WDR13: variants seen among roughly 807,000 people sequenced by gnomAD.
WDR13 encodes the protein WD repeat domain 13, also known as WD repeat-containing protein 13.
WDR13 carries 1 observed loss-of-function variant against 28.6 expected under a neutral mutation model. The observed-to-expected ratio is 0.03, with a 90% confidence interval of 0.01 to 0.17. The LOEUF is 0.17. WDR13 is among the 10% of genes least tolerant of loss of function. The pLI, the probability that WDR13 is intolerant of heterozygous loss-of-function variation, is 1.00. For synonymous variants in WDR13, 201 were observed against 185.9 expected (o/e 1.08, Z -0.66); for missense variants, 264 against 469.3 (o/e 0.56, Z 4.04).
chrX:48,602,436 C>T (rs1556994969), intron 8 of WDR13, among the ~76,000 whole-genome samples: 1 of 111,064 alleles, frequency 9.0e-6, no homozygotes, highest in African/African-American at 3.3e-5. Context: ...GAGGTAGGTG[C>T]TGTTATTATC....
chrX:48,602,668 G>C (rs1488323570), intron 8 of WDR13, among the ~76,000 whole-genome samples: 1 of 108,048 alleles, frequency 9.3e-6, no homozygotes, highest in African/African-American at 3.4e-5. Context: ...ACTCCTGTCT[G>C]GGCCCCTCTA....
Position 48,607,508 on chromosome X carries a change from C to T in WDR13, c.*2476C>T, listed in dbSNP as rs1302328471. The T allele has an allele frequency of 9.3e-6, 1 of 107,193 alleles. No individual in the cohort carries two copies. The highest frequency in any genetic ancestry group is 1.9e-5 in the Non-Finnish European group (1 of 52,141). 8.8% of individuals were successfully genotyped at this position (107,193 alleles called of 1,213,427 possible). On this transcript the variant is annotated 3_prime_UTR_variant, in exon 10 of 10. Coordinates refer to ENST00000376729, the MANE Select transcript of WDR13 (RefSeq NM_001347217.2). ...TCAGCTTCCCGAATAGCTGGAACTA[C>T]AGGCGCGCACCAGCAAGCTCGGCTA...
In WDR13 at chrX:48,597,962, C is replaced by G; in HGVS notation, c.-35C>G. ...TTCCAGGCCCTTGTCCTGCAGGCTG[C>G]CGCGGGCGGACACGCCAGAGGAGGA... On this transcript the variant is annotated 5_prime_UTR_variant, in exon 2 of 10. Transcript: ENST00000376729. The G allele has an allele frequency of 8.6e-7, 1 of 1,164,054 alleles. No homozygotes were observed. Among genetic ancestry groups the G allele is most frequent in the Middle Eastern group, 2.5e-4 (1 of 3,942 alleles).
intron 8 of WDR13, 32 bp downstream of exon 8, chrX:48,602,238 G>A (rs1556994901): frequency 5.9e-6 from 7 of 1,188,611 alleles, no homozygotes; most frequent in Admixed American, 2.2e-5. Context: ...CCTGGAGACG[G>A]AGGACCTGCC....
At chrX:48,598,510 A>G (rs1441634400) in intron 2 of WDR13, 12 of 1,050,448 alleles carry the variant, frequency 1.1e-5, no homozygotes, top group Non-Finnish European at 1.5e-5. Context: ...GTTGTCTGCA[A>G]ACTGACCTCA....
Position 48,600,629 on chromosome X carries a change from C to G in WDR13, c.831+3C>G, listed in dbSNP as rs1013895108. ...CTGTCAACAACAACCTCACTGTGGT[C>G]AGGCTCCAGGACACCCACTCACCAA... On this transcript the variant is annotated splice_donor_region_variant and intron_variant, in intron 6 of 9. Coordinates refer to ENST00000376729, the MANE Select transcript of WDR13 (RefSeq NM_001347217.2). 1 of 1,205,135 alleles carries G rather than the reference C, an allele frequency of 8.3e-7. No homozygotes were observed. The highest frequency in any genetic ancestry group is 3.0e-5 in the East Asian group (1 of 33,455).
chrX:48,606,535 C>T lies in WDR13; in HGVS notation c.*1503C>T, dbSNP rs1261118965. Reference sequence around the variant, plus strand: ...CCCAGCCCCATCCAGGGTACAAATTCCAGCCCTGGAACAGCTCAGAGACCA... The same window carrying T: ...CCCAGCCCCATCCAGGGTACAAATTTCAGCCCTGGAACAGCTCAGAGACCA... On this transcript the variant is annotated 3_prime_UTR_variant, in exon 10 of 10. Coordinates refer to ENST00000376729, the MANE Select transcript of WDR13 (RefSeq NM_001347217.2). The T allele has an allele frequency of 9.9e-5, 11 of 111,112 alleles. No homozygotes were observed. 9.2% of individuals were successfully genotyped at this position (111,112 alleles called of 1,213,427 possible). A position where few individuals can be genotyped will look rare whatever the true frequency, so the allele number is the denominator to read the frequency against.
chrX:48,599,925 C>T, intron 5 of WDR13: 1 of 531,266 alleles, frequency 1.9e-6, no homozygotes, highest in Non-Finnish European at 2.9e-6. Context: ...AGAGAGAGCC[C>T]TTTGCAGCAG....
rs892834720 is a variant in WDR13 at position 48,601,668 on chromosome X, T to C, written c.832-116T>C. On this transcript the variant is annotated intron_variant, in intron 6 of 9. Transcript: ENST00000376729. ...ACCTTGTCTACCTGCCACAGCCCTA[T>C]TGTGAATAGACTCTAATAGGGACCA... The C allele has an allele frequency of 5.4e-6, 4 of 739,693 alleles. No homozygotes were observed. In the African/African-American group the frequency reaches 8.6e-5, roughly 16 times the overall value. 61.0% of individuals were successfully genotyped at this position (739,693 alleles called of 1,213,427 possible).
intron 2 of WDR13, 82 bp downstream of exon 2, chrX:48,598,119 A>G (rs1212109036): frequency 8.9e-5 from 103 of 1,151,584 alleles, no homozygotes; most frequent in Non-Finnish European, 1.1e-4. Flanking sequence ...TGGGCGGAGA[A>G]CTTGCCTTAT....
chrX:48,598,332 CT>C (rs1169518783), intron 2 of WDR13: 38,104 of 518,537 alleles, frequency 0.073, 1 homozygote, highest in East Asian at 0.12. Flanking sequence ...GTCCCCTAGA[CT>C]TTTTTTTTTT....
In WDR13 at chrX:48,597,995, G is replaced by T; in HGVS notation, c.-2G>T. 5 of 1,166,210 alleles carry T rather than the reference G, an allele frequency of 4.3e-6. No individual in the cohort carries two copies. Among genetic ancestry groups the T allele is most frequent in the Non-Finnish European group, 3.4e-6 (3 of 872,369 alleles). On this transcript the variant is annotated 5_prime_UTR_variant, in exon 2 of 10. Transcript: ENST00000376729. ...GGACACGCCAGAGGAGGAGGCCGGGGAATGGCCGCGGTGTGGCAGCAAGTC... is the reference window on the plus strand; with the variant it reads ...GGACACGCCAGAGGAGGAGGCCGGGTAATGGCCGCGGTGTGGCAGCAAGTC...
At chrX:48,600,752 C>G (rs1556994258) in intron 6 of WDR13, 126 bp downstream of exon 6, 2 of 787,601 alleles carry the variant, frequency 2.5e-6, no homozygotes, top group East Asian at 3.6e-5. Context: ...CCCACCCAAT[C>G]TCGTCAGAGC....
chrX:48,604,326 G>A lies in WDR13; in HGVS notation c.1209G>A (p.Gln403=), dbSNP rs1271965055. The stretch of plus-strand genomic sequence containing the variant: ...TGAAGAGAAGCTTCCCCATCGAGCA[G>A]AGCTCACATCCTGTGCGCAGCATCT... ...LQLKRSFPIE[Q]SSHPVRSIFC... The change falls in exon 9 of 10, where the codon CAG becomes CAA. Residue 403 remains glutamine, a synonymous_variant. Transcript: ENST00000376729. 3 of 1,211,261 alleles carry A rather than the reference G, an allele frequency of 2.5e-6. No homozygotes were observed. The highest frequency in any genetic ancestry group is 2.2e-5 in the Admixed American group (1 of 45,990).
chrX:48,604,760 C>T, intron 9 of WDR13, 88 bp from the exon 10 acceptor site: 2 of 1,036,195 alleles, frequency 1.9e-6, no homozygotes, highest in Non-Finnish European at 2.6e-6. Context: ...CTCGGACATA[C>T]ACCCTTCAAC....
At chrX:48,601,663 C>A in intron 6 of WDR13, 121 bp from the exon 7 acceptor site, 1 of 708,225 alleles carries the variant, frequency 1.4e-6, no homozygotes, top group Admixed American at 4.2e-5. Context: ...CCTGCCACAG[C>A]CCTATTGTGA....
At position 48,598,820 on chromosome X, in the gene WDR13, G is replaced by C. The variant is rs782301553; in HGVS notation, c.145G>C (p.Ala49Pro). Residue 49 changes from alanine (A) to proline (P), a missense_variant, in exon 3 of 10, where the codon GCG becomes CCG. Physicochemically the swap from Ala to Pro is conservative, Grantham distance 27. Transcript: ENST00000376729. ...GAATGCCAAGGCTGGGCACCCCCCAGCGCTGCGTCGGCAGTACCTGAGGCT... is the reference window on the plus strand; with the variant it reads ...GAATGCCAAGGCTGGGCACCCCCCACCGCTGCGTCGGCAGTACCTGAGGCT... ...RENAKAGHPP[A>P]LRRQYLRLRG... is the part of the protein sequence containing the mutation. 2.4e-5 allele frequency: 29 copies of C among 1,203,991 alleles called. No individual in the cohort carries two copies. The highest frequency in any genetic ancestry group is 3.0e-5 in the Non-Finnish European group (27 of 892,287).
Position 48,602,213 on chromosome X carries a change from C to A in WDR13, c.1154+7C>A. The A allele has an allele frequency of 8.3e-7, 1 of 1,203,331 alleles. No homozygotes were observed. The highest frequency in any genetic ancestry group is 1.1e-6 in the Non-Finnish European group (1 of 888,574). ...ACAAGTTGCTGCTCTACAGGTGGGT[C>A]CCCCATCAGGGCCTCCTGGAGACGG... is the stretch of plus-strand genomic sequence containing the variant. On this transcript the variant is annotated splice_region_variant and intron_variant, in intron 8 of 9. Coordinates refer to ENST00000376729, the MANE Select transcript of WDR13 (RefSeq NM_001347217.2).
At chrX:48,598,624 A>G in intron 2 of WDR13, 93 bp from the exon 3 acceptor site, 4 of 1,095,064 alleles carry the variant, frequency 3.7e-6, no homozygotes, top group Non-Finnish European at 4.8e-6. Context: ...AGTCACTGCC[A>G]CACACCTCAC....
Sources: allele counts gnomAD v4.1 joint callset (sites outside exome capture counted in the v4.1 genomes callset), GRCh38; gene constraint gnomAD v4.1.1; transcripts MANE v1.5; gene names NCBI Gene and HGNC (gene_info 2026-07-23, HGNC 2026-07-21).